Variants in CNTNAP2 observed in about 807,000 individuals in gnomAD.
CNTNAP2 encodes the protein contactin-associated protein-like 2.
In CNTNAP2, 98 loss-of-function variants were observed where a neutral mutation model predicts 155.2. The observed-to-expected ratio is 0.63, with a 90% CI of 0.54 to 0.75. CNTNAP2 has a LOEUF of 0.75. CNTNAP2 is among the 30% of genes least tolerant of loss of function. The probability of loss-of-function intolerance (pLI) is 0.00; values close to 1 mark genes in which losing one functional copy is unlikely to be tolerated. For missense variants in CNTNAP2, 1,727 were observed against 1,688.1 expected (o/e 1.02, Z -0.40); for synonymous variants, 651 against 631.2 (o/e 1.03, Z -0.47).
chr7:146,445,113 C>A (rs1000143092), intron 1 of CNTNAP2, among the ~76,000 whole-genome samples: 1 of 100,138 alleles, frequency 1.0e-5, no homozygotes, highest in East Asian at 2.1e-4. Context: ...ATACCAGAGT[C>A]ACCAAAATTT....
intron 1 of CNTNAP2, among the ~76,000 whole-genome samples, chr7:146,378,145 T>G (rs1056545525): frequency 6.6e-6 from 1 of 152,336 alleles, no homozygotes; most frequent in Admixed American, 6.5e-5. Context: ...TAAATATTTA[T>G]AACAATGTTA....
At chr7:147,419,208 T>C (rs757059768) in intron 10 of CNTNAP2, among the ~76,000 whole-genome samples, 2 of 152,038 alleles carry the variant, frequency 1.3e-5, no homozygotes, top group East Asian at 3.9e-4. Context: ...AATCCAGGCC[T>C]TCCTCTCTTC....
chr7:148,063,710 A>G (rs10224885), intron 15 of CNTNAP2, among the ~76,000 whole-genome samples: 17,758 of 151,308 alleles, frequency 0.12, 1,307 homozygotes, highest in East Asian at 0.3. Context: ...ACTTCTTTTG[A>G]GGTACAGAAG....
chr7:146,384,486 A>G (rs1007581747), intron 1 of CNTNAP2, among the ~76,000 whole-genome samples: 1 of 152,202 alleles, frequency 6.6e-6, no homozygotes, highest in African/African-American at 2.4e-5. Flanking sequence ...GTTATAATTT[A>G]TTATATGAAA....
intron 1 of CNTNAP2, among the ~76,000 whole-genome samples, chr7:146,454,666 C>A (rs1337365357): frequency 1.3e-5 from 2 of 151,652 alleles, no homozygotes; most frequent in African/African-American, 4.8e-5. Context: ...GTATTATTTT[C>A]ATAAGGCAGC....
At chr7:147,606,367 T>C (rs1210902251) in intron 12 of CNTNAP2, among the ~76,000 whole-genome samples, 1 of 152,344 alleles carries the variant, frequency 6.6e-6, no homozygotes, top group South Asian at 2.1e-4. Flanking sequence ...TTTATTTTCT[T>C]GAACGTTTCC....
At chr7:146,944,186 A>T (rs1797109866) in intron 3 of CNTNAP2, among the ~76,000 whole-genome samples, 2 of 144,202 alleles carry the variant, frequency 1.4e-5, no homozygotes. Context: ...TTTTTTCTTA[A>T]TTTTTCTATA....
At chr7:146,451,826 A>T (rs1006966170) in intron 1 of CNTNAP2, among the ~76,000 whole-genome samples, 4 of 64,540 alleles carry the variant, frequency 6.2e-5, no homozygotes, top group Non-Finnish European at 5.4e-5. Flanking sequence ...ATATATACGT[A>T]TATATATACA....
chr7:147,000,100 A>T (rs942151934), intron 3 of CNTNAP2, among the ~76,000 whole-genome samples: 9 of 151,922 alleles, frequency 5.9e-5, no homozygotes, highest in Admixed American at 3.9e-4. Context: ...TTTTCAAATA[A>T]CTTGTGTATC....
At chr7:146,927,552 A>G (rs1796632309) in intron 3 of CNTNAP2, among the ~76,000 whole-genome samples, 1 of 152,180 alleles carries the variant, frequency 6.6e-6, no homozygotes, top group African/African-American at 2.4e-5. Context: ...CAATTTGTAT[A>G]AAGATATACA....
At chr7:146,956,184 A>C (rs961472022) in intron 3 of CNTNAP2, among the ~76,000 whole-genome samples, 1 of 152,064 alleles carries the variant, frequency 6.6e-6, no homozygotes, top group African/African-American at 2.4e-5. Flanking sequence ...TTATGTTTAG[A>C]CTTGGTATTA....
chr7:148,026,266 T>A (rs1224199589), intron 15 of CNTNAP2, among the ~76,000 whole-genome samples: 2 of 152,094 alleles, frequency 1.3e-5, no homozygotes, highest in Non-Finnish European at 2.9e-5. Flanking sequence ...CTGAGTAATA[T>A]AGTGAGGCCT....
intron 3 of CNTNAP2, among the ~76,000 whole-genome samples, chr7:146,870,238 T>G (rs2129207049): frequency 6.6e-6 from 1 of 151,796 alleles, no homozygotes; most frequent in South Asian, 2.1e-4. Context: ...TGGCAGGCTA[T>G]TTATTACTGA....
chr7:146,864,158 CA>C (rs1795157691), intron 3 of CNTNAP2, among the ~76,000 whole-genome samples: 1 of 151,552 alleles, frequency 6.6e-6, no homozygotes, highest in Admixed American at 6.6e-5. Flanking sequence ...ATAAAAATTA[CA>C]AAAGAATAAA....
intron 13 of CNTNAP2, among the ~76,000 whole-genome samples, chr7:147,724,788 A>G (rs891344722): frequency 1.3e-5 from 2 of 152,042 alleles, no homozygotes; most frequent in Admixed American, 1.3e-4. Flanking sequence ...TAGAGCTTCA[A>G]AACAGTATTG....
At chr7:147,068,450 C>G (rs1364453977) in intron 4 of CNTNAP2, among the ~76,000 whole-genome samples, 1 of 152,170 alleles carries the variant, frequency 6.6e-6, no homozygotes, top group Non-Finnish European at 1.5e-5. Flanking sequence ...CTCCGCCTCC[C>G]AGGTTCAAGC....
chr7:146,405,609 G>T (rs1432652993), intron 1 of CNTNAP2, among the ~76,000 whole-genome samples: 1 of 152,134 alleles, frequency 6.6e-6, no homozygotes, highest in Non-Finnish European at 1.5e-5. Context: ...ACATGATTAA[G>T]AAAACAAATA....
intron 14 of CNTNAP2, among the ~76,000 whole-genome samples, chr7:147,921,906 A>G (rs1800287674): frequency 6.6e-6 from 1 of 152,168 alleles, no homozygotes; most frequent in Non-Finnish European, 1.5e-5. Context: ...TAGGAATTCA[A>G]TGGTGAGTAA....
intron 15 of CNTNAP2, among the ~76,000 whole-genome samples, chr7:148,011,960 A>T (rs1481472612): frequency 6.6e-6 from 1 of 152,196 alleles, no homozygotes; most frequent in Non-Finnish European, 1.5e-5. Context: ...AGCCCAGGGC[A>T]CTTTCCTGTC....
Sources: allele counts gnomAD v4.1 joint callset (sites outside exome capture counted in the v4.1 genomes callset), GRCh38; gene constraint gnomAD v4.1.1; transcripts MANE v1.5; gene names NCBI Gene and HGNC (gene_info 2026-07-23, HGNC 2026-07-21).